ARHGAP31: variants seen among roughly 807,000 people sequenced by gnomAD.
ARHGAP31 encodes the protein Rho GTPase activating protein 31.
In ARHGAP31, 34 loss-of-function variants were observed where a neutral mutation model predicts 113.9. That is an observed-to-expected ratio of 0.30 (90% confidence interval 0.23 to 0.40). The LOEUF is 0.40. ARHGAP31 is among the 10% of genes least tolerant of loss of function. ARHGAP31 has a pLI of 1.00. For missense variants in ARHGAP31, 1,548 were observed against 1,767.1 expected (o/e 0.88, Z 2.22); for synonymous variants, 650 against 684.8 (o/e 0.95, Z 0.79).
intron 9 of ARHGAP31, 79 bp from the exon 10 acceptor site, chr3:119,401,743 G>A (rs2080609272): frequency 1.5e-6 from 2 of 1,336,736 alleles, no homozygotes; most frequent in Non-Finnish European, 2.1e-6. Context: ...TTCAAATGTC[G>A]TGTGCCTGCC....
chr3:119,348,297 A>G (rs552002617), intron 1 of ARHGAP31, among the ~76,000 whole-genome samples: 9 of 152,342 alleles, frequency 5.9e-5, no homozygotes, highest in Admixed American at 5.2e-4. Flanking sequence ...GTACACAATA[A>G]AGGTAATGTG....
rs1347191101 is a variant in ARHGAP31, at chr3:119,390,968, A to G, written c.866A>G (p.Glu289Gly). 6.2e-7 allele frequency: 1 copy of G among 1,614,182 alleles called. No individual in the cohort carries two copies. Among genetic ancestry groups the G allele is most frequent in the Non-Finnish European group, 8.5e-7 (1 of 1,180,030 alleles). Residue 289 changes from glutamate to glycine, a missense_variant, in exon 7 of 12, where the codon GAG becomes GGG. Glu to Gly is a moderately conservative substitution (Grantham distance 98). Transcript: ENST00000264245. ...PMGTLFHTVLELPDNKRKLSS... is the reference protein window; with the variant it reads ...PMGTLFHTVLGLPDNKRKLSS... ...GGCACCCTCTTCCACACTGTCCTTG[A>G]GTTACCAGACAACAAGTAAGTGGCA...
At chr3:119,380,707 G>T (rs2080389520) in intron 3 of ARHGAP31, among the ~76,000 whole-genome samples, 197 bp from the exon 4 acceptor site, 1 of 152,140 alleles carries the variant, frequency 6.6e-6, no homozygotes, top group Non-Finnish European at 1.5e-5. Context: ...CACATGGTGA[G>T]ACCCTGCACA....
intron 8 of ARHGAP31, among the ~76,000 whole-genome samples, chr3:119,394,691 G>A (rs368590615): frequency 3.3e-5 from 5 of 152,066 alleles, no homozygotes; most frequent in East Asian, 3.9e-4. Context: ...ACAGTGGTTC[G>A]TGCCTGTAAT....
intron 1 of ARHGAP31, among the ~76,000 whole-genome samples, chr3:119,343,606 A>G (rs929530525): frequency 6.6e-6 from 1 of 152,182 alleles, no homozygotes; most frequent in African/African-American, 2.4e-5. Context: ...ACATATTCAT[A>G]CCATCAAAAA....
intron 1 of ARHGAP31, chr3:119,298,889 G>T: frequency 4.2e-6 from 1 of 235,830 alleles, no homozygotes; most frequent in South Asian, 6.6e-5. Context: ...ATTATTGTGT[G>T]AGTTGTGCCA....
chr3:119,375,762 AT>A (rs1181210762), intron 3 of ARHGAP31, among the ~76,000 whole-genome samples: 2 of 152,120 alleles, frequency 1.3e-5, no homozygotes, highest in Non-Finnish European at 2.9e-5. Context: ...TAAATTATGT[AT>A]TTGCCTTTTT....
At chr3:119,394,832 A>T (rs1020640794) in intron 8 of ARHGAP31, among the ~76,000 whole-genome samples, 5 of 152,116 alleles carry the variant, frequency 3.3e-5, no homozygotes, top group African/African-American at 1.2e-4. Context: ...CAATTTGGGG[A>T]ACAAAGAGGG....
chr3:119,383,317 G>A (rs2080419558), intron 6 of ARHGAP31, 91 bp downstream of exon 6: 1 of 1,532,916 alleles, frequency 6.5e-7, no homozygotes. Context: ...GGTGGGCTTA[G>A]TTCTAGCTCT....
At chr3:119,393,312 G>A (rs2080521407) in intron 7 of ARHGAP31, among the ~76,000 whole-genome samples, 155 bp from the exon 8 acceptor site, 1 of 152,054 alleles carries the variant, frequency 6.6e-6, no homozygotes, top group African/African-American at 2.4e-5. Context: ...TAGACAAGGT[G>A]AGAATCAAGC....
chr3:119,399,262 G>C lies in ARHGAP31; in HGVS notation c.1069+1G>C. 1 of 1,612,266 alleles carries C rather than the reference G, an allele frequency of 6.2e-7. No homozygotes were observed. Among genetic ancestry groups the C allele is most frequent in the Non-Finnish European group, 8.5e-7 (1 of 1,178,298 alleles). ...TCACTATGTTCAGTGCCTGTGGAAGGTAAGATTTTACAAGTAGTTTCTGAG... is the reference window on the plus strand; with the variant it reads ...TCACTATGTTCAGTGCCTGTGGAAGCTAAGATTTTACAAGTAGTTTCTGAG... On this transcript the variant is annotated splice_donor_variant, in intron 9 of 11. Transcript: ENST00000264245. LOFTEE classifies it high-confidence loss of function.
At chr3:119,395,330 A>C (rs1489915687) in intron 8 of ARHGAP31, among the ~76,000 whole-genome samples, 2 of 152,204 alleles carry the variant, frequency 1.3e-5, no homozygotes, top group African/African-American at 4.8e-5. Flanking sequence ...CAATCAACTT[A>C]TGCAGTGAGG....
At chr3:119,363,863 T>C (rs1003685199) in intron 1 of ARHGAP31, among the ~76,000 whole-genome samples, 4 of 152,220 alleles carry the variant, frequency 2.6e-5, no homozygotes, top group African/African-American at 9.6e-5. Flanking sequence ...CACATCACTG[T>C]GGCAGCCTCG....
At chr3:119,387,960 G>A (rs1408302887) in intron 6 of ARHGAP31, among the ~76,000 whole-genome samples, 2 of 152,344 alleles carry the variant, frequency 1.3e-5, no homozygotes, top group Non-Finnish European at 2.9e-5. Flanking sequence ...GATCTTTGAA[G>A]TGAGACCTGA....
chr3:119,411,323 G>C (rs1252673234), intron 11 of ARHGAP31, among the ~76,000 whole-genome samples: 2 of 152,204 alleles, frequency 1.3e-5, no homozygotes, highest in Non-Finnish European at 2.9e-5. Flanking sequence ...TATGTGGTAA[G>C]CCAGGAGAGA....
At chr3:119,341,290 T>C (rs1411220107) in intron 1 of ARHGAP31, among the ~76,000 whole-genome samples, 1 of 152,142 alleles carries the variant, frequency 6.6e-6, no homozygotes, top group Non-Finnish European at 1.5e-5. Context: ...AAAGCTTCAG[T>C]GAGGACATGA....
chr3:119,387,806 G>A (rs1351010758), intron 6 of ARHGAP31, among the ~76,000 whole-genome samples: 1 of 152,200 alleles, frequency 6.6e-6, no homozygotes, highest in East Asian at 1.9e-4. Flanking sequence ...TGGTTGGGAA[G>A]ACAAGGATAT....
At chr3:119,413,725 C>T (rs1412698483) in intron 11 of ARHGAP31, 131 bp from the exon 12 acceptor site, 5 of 1,227,780 alleles carry the variant, frequency 4.1e-6, no homozygotes, top group African/African-American at 3.0e-5. Flanking sequence ...CAGGTATTAT[C>T]GGTGCTGCAT....
chr3:119,320,553 T>C (rs1259314396), intron 1 of ARHGAP31, among the ~76,000 whole-genome samples: 1 of 152,228 alleles, frequency 6.6e-6, no homozygotes, highest in African/African-American at 2.4e-5. Context: ...AAACTTTTCA[T>C]GATGCAGTAA....
Sources: gnomAD v4.1 joint callset for allele counts (sites outside exome capture counted in the v4.1 genomes callset) on GRCh38, gnomAD v4.1.1 for gene constraint, MANE v1.5 for transcripts, NCBI Gene and HGNC (gene_info 2026-07-23, HGNC 2026-07-21) for gene names.